RGS6: variants seen among roughly 807,000 people sequenced by gnomAD.
RGS6 encodes regulator of G protein signaling 6.
A neutral mutation model predicts 78.5 loss-of-function variants in RGS6; 30 were observed. The ratio of observed to expected loss-of-function variants is 0.38; its 90% confidence interval spans 0.29 to 0.52. The LOEUF (loss-of-function observed/expected upper bound fraction) is 0.52. RGS6 is among the 20% of genes least tolerant of loss of function. RGS6 has a pLI of 0.85. For synonymous variants in RGS6, 206 were observed against 206.0 expected, an observed-to-expected ratio of 1.00 and a Z score of 0.00; for missense variants, 495 against 609.7, an observed-to-expected ratio of 0.81 and a Z score of 1.98.
intron 3 of RGS6, among the ~76,000 whole-genome samples, chr14:72,448,004 C>T (rs1017062455): frequency 6.6e-6 from 1 of 152,172 alleles, no homozygotes; most frequent in Non-Finnish European, 1.5e-5. Context: ...AATAAACGCA[C>T]AGGGCCAGCA....
intron 2 of RGS6, among the ~76,000 whole-genome samples, chr14:72,017,292 T>C (rs923639138): frequency 1.3e-5 from 2 of 152,246 alleles, no homozygotes; most frequent in East Asian, 1.9e-4. Context: ...TATAGGAATG[T>C]TATTTTTGTA....
the RGS6 span, among the ~76,000 whole-genome samples, chr14:72,624,113 G>C: frequency 6.6e-6 from 1 of 152,052 alleles, no homozygotes; most frequent in African/African-American, 2.4e-5. Context: ...GAAGATGCTA[G>C]AGAAACATCA....
intron 2 of RGS6, among the ~76,000 whole-genome samples, chr14:72,120,680 C>A (rs915549120): frequency 1.3e-5 from 2 of 152,062 alleles, no homozygotes. Flanking sequence ...ACATGAATCT[C>A]AGAAATATTA....
the RGS6 span, among the ~76,000 whole-genome samples, chr14:72,626,054 T>G: frequency 2.0e-5 from 3 of 152,240 alleles, no homozygotes; most frequent in African/African-American, 7.2e-5. Context: ...GTTATTCTTT[T>G]CTTCCTCACT....
At chr14:72,044,648 A>G (rs956000359) in intron 2 of RGS6, among the ~76,000 whole-genome samples, 31 of 152,198 alleles carry the variant, frequency 2.0e-4, no homozygotes, top group African/African-American at 7.5e-4. Flanking sequence ...AGGCAGGCGG[A>G]TCACTTGAGG....
intron 13 of RGS6, among the ~76,000 whole-genome samples, chr14:72,501,292 A>T (rs2096721989): frequency 6.6e-6 from 1 of 152,198 alleles, no homozygotes; most frequent in Admixed American, 6.5e-5. Context: ...ATAAGATGAC[A>T]TAGGATATAC....
chr14:71,943,235 G>A (rs865840820), intron 1 of RGS6, among the ~76,000 whole-genome samples: 1 of 152,224 alleles, frequency 6.6e-6, no homozygotes, highest in Middle Eastern at 3.4e-3. Context: ...CCTGTTAATT[G>A]TGTTTCTGAA....
chr14:72,573,681 T>C, the RGS6 span, among the ~76,000 whole-genome samples: 4 of 152,222 alleles, frequency 2.6e-5, no homozygotes, highest in Non-Finnish European at 4.4e-5. Flanking sequence ...GTCTGTGAGC[T>C]GTGGCCTGAC....
intron 2 of RGS6, among the ~76,000 whole-genome samples, chr14:71,966,531 T>C (rs1291717763): frequency 1.3e-5 from 2 of 152,186 alleles, no homozygotes; most frequent in Non-Finnish European, 2.9e-5. Flanking sequence ...GGTAGGAACA[T>C]GGGCTTTGGA....
At chr14:72,453,615 C>CA (rs60280790) in intron 3 of RGS6, among the ~76,000 whole-genome samples, 15,656 of 51,520 alleles carry the variant, frequency 0.3, 3,490 homozygotes, top group East Asian at 0.48. Flanking sequence ...GACTCCGTCT[C>CA]AAAAAAAAAA....
chr14:72,103,851 G>A (rs1017897881), intron 2 of RGS6, among the ~76,000 whole-genome samples: 1 of 152,190 alleles, frequency 6.6e-6, no homozygotes, highest in Non-Finnish European at 1.5e-5. Context: ...TCAAAGGGTG[G>A]AGGAAACAGA....
chr14:72,627,760 T>C, the RGS6 span, among the ~76,000 whole-genome samples: 1 of 152,160 alleles, frequency 6.6e-6, no homozygotes, highest in Non-Finnish European at 1.5e-5. Context: ...ATCTTTATAA[T>C]GTCAAGTCAT....
At chr14:72,003,657 C>A (rs1333546181) in intron 2 of RGS6, among the ~76,000 whole-genome samples, 1 of 152,054 alleles carries the variant, frequency 6.6e-6, no homozygotes, top group Non-Finnish European at 1.5e-5. Context: ...AGAAAGCAGC[C>A]TCTTATAGTA....
chr14:71,962,943 T>C (rs992188873), intron 1 of RGS6, among the ~76,000 whole-genome samples: 7 of 152,138 alleles, frequency 4.6e-5, no homozygotes, highest in African/African-American at 1.7e-4. Context: ...TTTATAAGAG[T>C]TTCTTTGATG....
chr14:72,328,719 G>A (rs1567768267), intron 2 of RGS6, among the ~76,000 whole-genome samples: 1 of 152,196 alleles, frequency 6.6e-6, no homozygotes, highest in Non-Finnish European at 1.5e-5. Context: ...AGGCCTGAGA[G>A]CTGTTAGGAA....
intron 2 of RGS6, among the ~76,000 whole-genome samples, chr14:72,326,129 G>A (rs149255439): frequency 1.5e-3 from 232 of 152,242 alleles, no homozygotes; most frequent in Middle Eastern, 6.8e-3. Flanking sequence ...CATATTGTTT[G>A]TGAGAACCAA....
intron 2 of RGS6, among the ~76,000 whole-genome samples, chr14:72,137,770 C>T (rs1385553843): frequency 1.3e-5 from 2 of 152,230 alleles, no homozygotes; most frequent in Non-Finnish European, 2.9e-5. Flanking sequence ...ACATGGATGA[C>T]ATGCATGTGT....
chr14:72,053,054 TCCC>T (rs1185933019), intron 2 of RGS6, among the ~76,000 whole-genome samples: 141 of 3,954 alleles, frequency 0.036, 23 homozygotes, highest in African/African-American at 0.24. Context: ...CCTCCCTCCC[TCCC>T]TCCCTCCCTC....
intron 2 of RGS6, among the ~76,000 whole-genome samples, chr14:72,287,098 AATTTCCTTTTCAG>A (rs2062708893): frequency 6.6e-6 from 1 of 152,106 alleles, no homozygotes. Flanking sequence ...TTGTTTTCTT[AATTTCCTTTTCAG>A]ATAGTTCAGT....
Sources: gnomAD v4.1 joint callset for allele counts (sites outside exome capture counted in the v4.1 genomes callset) on GRCh38, gnomAD v4.1.1 for gene constraint, MANE v1.5 for transcripts, NCBI Gene and HGNC (gene_info 2026-07-23, HGNC 2026-07-21) for gene names.